Variants in GALNT11 observed in about 807,000 individuals in gnomAD.
GALNT11 encodes UDP-GalNAc:polypeptide N-acetylgalactosaminyltransferase 11.
Under a neutral mutation model 72.7 loss-of-function variants are expected in GALNT11, and 47 were observed. The ratio of observed to expected loss-of-function variants is 0.65; its 90% CI spans 0.51 to 0.82. The LOEUF is 0.82. Ranked by LOEUF, GALNT11 falls within the 40% of genes least tolerant of loss-of-function variation. The pLI is 0.00. For missense variants in GALNT11, 677 were observed against 778.4 expected, an observed-to-expected ratio of 0.87 and a Z score of 1.55; for synonymous variants, 270 against 286.6, an observed-to-expected ratio of 0.94 and a Z score of 0.58.
chr7:152,075,539 C>T (rs1040498939), intron 1 of GALNT11, among the ~76,000 whole-genome samples: 18 of 144,094 alleles, frequency 1.2e-4, no homozygotes, highest in South Asian at 4.5e-4. Flanking sequence ...CCGTGGCTCC[C>T]GCCCATAATC....
chr7:152,060,571 A>G (rs1190562840), intron 1 of GALNT11, among the ~76,000 whole-genome samples: 1 of 151,326 alleles, frequency 6.6e-6, no homozygotes, highest in Non-Finnish European at 1.5e-5. Flanking sequence ...GGTGTGCTGC[A>G]CTCATTAACT....
intron 1 of GALNT11, among the ~76,000 whole-genome samples, chr7:152,033,920 T>A (rs535253124): frequency 1.3e-5 from 2 of 152,324 alleles, no homozygotes; most frequent in African/African-American, 4.8e-5. Context: ...AAGGCCTGGG[T>A]TTGATCTAAC....
chr7:152,055,549 GTGTGTGTGTGTGTGTGTGTA>G (rs2083623657), intron 1 of GALNT11, among the ~76,000 whole-genome samples: 1 of 149,164 alleles, frequency 6.7e-6, no homozygotes, highest in Non-Finnish European at 1.5e-5. Context: ...GTGTGTGTGT[GTGTGTGTGTGTGTGTGTGTA>G]TATATACATA....
chr7:152,106,192 G>A (rs970109654), intron 5 of GALNT11, among the ~76,000 whole-genome samples: 4 of 152,206 alleles, frequency 2.6e-5, no homozygotes, highest in Non-Finnish European at 4.4e-5. Context: ...TGGACATGGC[G>A]AAAAAATTTT....
intron 10 of GALNT11, chr7:152,120,504 C>G (rs539697114): frequency 4.4e-6 from 1 of 227,142 alleles, no homozygotes; most frequent in Admixed American, 5.8e-5. Flanking sequence ...CAGAGGCTGT[C>G]GGGCTCCTCT....
chr7:152,106,553 CT>C (rs1462692491), intron 5 of GALNT11, among the ~76,000 whole-genome samples: 1 of 152,128 alleles, frequency 6.6e-6, no homozygotes, highest in Admixed American at 6.5e-5. Flanking sequence ...CATGTAAAAA[CT>C]TACTGAATTG....
In GALNT11 at chr7:152,120,875, C is replaced by G. The variant is rs1191503236; in HGVS notation, c.1602C>G (p.Leu534=). Residue 534 remains leucine, a synonymous_variant, in exon 11 of 12, where the codon CTC becomes CTG. Coordinates refer to ENST00000430044, the MANE Select transcript of GALNT11 (RefSeq NM_022087.4). ...NEEHELVLNS[L]LCLDMSETRS... ...AGCATGAATTGGTTTTAAATAGTCT[C>G]CTTTGTCTAGATATGTCAGAGACTC... 2 of 1,613,154 alleles carry G rather than the reference C, an allele frequency of 1.2e-6. No individual in the cohort carries two copies. The highest frequency in any genetic ancestry group is 8.5e-7 in the Non-Finnish European group (1 of 1,179,210).
chr7:152,042,750 C>A (rs1408962065), intron 1 of GALNT11, among the ~76,000 whole-genome samples: 2 of 152,148 alleles, frequency 1.3e-5, no homozygotes, highest in African/African-American at 4.8e-5. Flanking sequence ...TGTAATAAAT[C>A]CCTTCCCCAT....
chr7:152,047,559 T>A (rs1180000303), intron 1 of GALNT11, among the ~76,000 whole-genome samples: 3 of 151,742 alleles, frequency 2.0e-5, no homozygotes, highest in Admixed American at 2.0e-4. Context: ...TAACCAGGCA[T>A]GTTAGTGCAC....
intron 1 of GALNT11, among the ~76,000 whole-genome samples, chr7:152,040,775 C>T (rs977917298): frequency 1.1e-4 from 16 of 152,202 alleles, no homozygotes; most frequent in African/African-American, 1.7e-4. Context: ...ATTACAGCTA[C>T]GAGCTCTGCT....
intron 8 of GALNT11, 48 bp from the exon 9 acceptor site, chr7:152,117,106 CATT>C: frequency 6.7e-7 from 1 of 1,498,428 alleles, no homozygotes; most frequent in Non-Finnish European, 9.0e-7. Context: ...GTTGTATCAT[CATT>C]TTTAACAAAA....
At chr7:152,121,437 G>T in intron 11 of GALNT11, 109 bp from the exon 12 acceptor site, 2 of 1,318,078 alleles carry the variant, frequency 1.5e-6, no homozygotes. Context: ...TGGCTAAGAG[G>T]GGACTATTGT....
chr7:152,066,431 C>G (rs529348040), intron 1 of GALNT11, among the ~76,000 whole-genome samples: 1 of 152,196 alleles, frequency 6.6e-6, no homozygotes, highest in East Asian at 1.9e-4. Context: ...ACTCAGTAGG[C>G]TGCACCCACT....
Position 152,025,835 on chromosome 7 carries a change from GC to G in GALNT11, c.-86del. 1 of 284,190 alleles carries G rather than the reference GC, an allele frequency of 3.5e-6. No homozygotes were observed. 17.6% of individuals were successfully genotyped at this position (284,190 alleles called of 1,614,324 possible). On this transcript the variant is annotated 5_prime_UTR_variant, in exon 1 of 12. The change abolishes the stop of an existing upstream ORF in the 5' untranslated region. Coordinates refer to ENST00000430044, the MANE Select transcript of GALNT11 (RefSeq NM_022087.4). ...CTGGGGCTGTGGCGGGAGAGAAGAT[GC>G]CGCAGCCCGAGTCCCAGAAGGCGGC...
intron 2 of GALNT11, among the ~76,000 whole-genome samples, chr7:152,095,064 G>C (rs1198038370): frequency 6.6e-6 from 1 of 152,132 alleles, no homozygotes; most frequent in African/African-American, 2.4e-5. Flanking sequence ...AAAGTACTGA[G>C]TTTAAAAATA....
At chr7:152,057,639 CTA>C (rs2083761324) in intron 1 of GALNT11, among the ~76,000 whole-genome samples, 1 of 152,110 alleles carries the variant, frequency 6.6e-6, no homozygotes, top group South Asian at 2.1e-4. Context: ...GCAAAATAAT[CTA>C]TGTCCTGACC....
intron 1 of GALNT11, among the ~76,000 whole-genome samples, chr7:152,030,812 T>C (rs2151980556): frequency 6.6e-6 from 1 of 152,314 alleles, no homozygotes; most frequent in South Asian, 2.1e-4. Context: ...TGTCTCTCTC[T>C]GATTTTCTGT....
At chr7:152,038,465 G>A (rs2082691728) in intron 1 of GALNT11, among the ~76,000 whole-genome samples, 1 of 152,206 alleles carries the variant, frequency 6.6e-6, no homozygotes, top group African/African-American at 2.4e-5. Flanking sequence ...CTCTGGGTGG[G>A]TCAGGTGTTC....
intron 1 of GALNT11, among the ~76,000 whole-genome samples, chr7:152,068,119 A>G (rs1342168585): frequency 3.9e-5 from 6 of 152,092 alleles, no homozygotes; most frequent in African/African-American, 1.2e-4. Context: ...TGCCTCTGTC[A>G]TATTACACAG....
Sources: gnomAD v4.1 joint callset for allele counts (sites outside exome capture counted in the v4.1 genomes callset) on GRCh38, gnomAD v4.1.1 for gene constraint, MANE v1.5 for transcripts, NCBI Gene and HGNC (gene_info 2026-07-23, HGNC 2026-07-21) for gene names.